The following KMT2E variants were observed in gnomAD, a reference collection of about 807,000 sequenced individuals.
KMT2E encodes lysine methyltransferase 2E (inactive), also known as histone reader KMT2E.
Under a neutral mutation model 184.6 loss-of-function variants are expected in KMT2E, and 30 were observed. That is an observed-to-expected ratio of 0.16 (90% CI 0.12 to 0.22). KMT2E has a LOEUF of 0.22. KMT2E is among the 10% of genes least tolerant of loss of function. The pLI, the probability that KMT2E is intolerant of heterozygous loss-of-function variation, is 1.00. For synonymous variants in KMT2E, 815 were observed against 776.5 expected, an observed-to-expected ratio of 1.05 and a Z score of -0.82; for missense variants, 2,023 against 2,237.4, an observed-to-expected ratio of 0.90 and a Z score of 1.93.
Position 105,062,224 on chromosome 7 carries a change from G to A in KMT2E, c.132G>A (p.Gln44=). The change falls in exon 4 of 27, where the codon CAG becomes CAA. Residue 44 remains glutamine, a synonymous_variant. Transcript: ENST00000311117. ...AGAAATCCAACAGTTATCCCCACCA[G>A]TTATATACCAGCAGCTCACATCATT... is the stretch of plus-strand genomic sequence containing the variant. The part of the protein sequence containing the change: ...VVEKSNSYPH[Q]LYTSSSHHSH... 6.2e-7 allele frequency: 1 copy of A among 1,613,600 alleles called. No homozygotes were observed. Among genetic ancestry groups the A allele is most frequent in the Non-Finnish European group, 8.5e-7 (1 of 1,179,682 alleles).
chr7:105,105,263 C>T lies in KMT2E; in HGVS notation c.2197-176C>T, dbSNP rs1584801841. 1.6e-5 allele frequency: 7 copies of T among 445,312 alleles called. No homozygotes were observed. In the East Asian group the frequency reaches 2.1e-4, roughly 14 times the overall value. 27.6% of individuals were successfully genotyped at this position (445,312 alleles called of 1,614,324 possible). A position where few individuals can be genotyped will look rare whatever the true frequency, so the allele number is the denominator to read the frequency against. On this transcript the variant is annotated intron_variant, in intron 17 of 26. Coordinates refer to ENST00000311117, the MANE Select transcript of KMT2E (RefSeq NM_182931.3). Reference sequence around the variant, plus strand: ...AATTGGGTAAAAAGTTTCAGAATAACAGTAGATAACTAAGAAATGTAAAAG... The same window carrying T: ...AATTGGGTAAAAAGTTTCAGAATAATAGTAGATAACTAAGAAATGTAAAAG...
At chr7:105,107,116 A>T in intron 20 of KMT2E, 50 bp from the exon 21 acceptor site, 1 of 946,170 alleles carries the variant, frequency 1.1e-6, no homozygotes, top group Non-Finnish European at 1.6e-6. Flanking sequence ...TATTATGGAT[A>T]TACTTACGTA....
intron 1 of KMT2E, among the ~76,000 whole-genome samples, chr7:105,036,643 G>A (rs1371632155): frequency 6.6e-6 from 1 of 152,196 alleles, no homozygotes; most frequent in African/African-American, 2.4e-5. Context: ...TTATTGTGGA[G>A]ATTAAGCATT....
chr7:105,101,651 C>G, intron 16 of KMT2E, 62 bp downstream of exon 16: 2 of 1,297,280 alleles, frequency 1.5e-6, no homozygotes, highest in Non-Finnish European at 2.0e-6. Context: ...TCTATACTTG[C>G]ATTAATTACT....
Position 105,101,869 on chromosome 7 carries a change from C to G in KMT2E, c.1888-17C>G, listed in dbSNP as rs911456717. 6.3e-7 allele frequency: 1 copy of G among 1,583,508 alleles called. No individual in the cohort carries two copies. Among genetic ancestry groups the G allele is most frequent in the Non-Finnish European group, 8.6e-7 (1 of 1,164,824 alleles). On this transcript the variant is annotated splice_polypyrimidine_tract_variant and intron_variant, in intron 16 of 26. Coordinates refer to ENST00000311117, the MANE Select transcript of KMT2E (RefSeq NM_182931.3). Reference sequence around the variant, plus strand: ...TATGTAGTATAAAAACTTCCATTCGCTTGTATTTTGAATTAGGAACAAGCA... The same window carrying G: ...TATGTAGTATAAAAACTTCCATTCGGTTGTATTTTGAATTAGGAACAAGCA...
chr7:105,033,343 T>C (rs1440997171), intron 1 of KMT2E, among the ~76,000 whole-genome samples: 1 of 152,230 alleles, frequency 6.6e-6, no homozygotes, highest in East Asian at 1.9e-4. Flanking sequence ...GTGATAATTA[T>C]AGAGTTGCAT....
chr7:105,107,705 A>G lies in KMT2E; in HGVS notation c.3248A>G (p.Asn1083Ser), dbSNP rs1798973674. ...GGAGTTAACTTCTCAGTGAACTCCAACTTGAGGGACCTGACACCCTCGCAT... is the reference window on the plus strand; with the variant it reads ...GGAGTTAACTTCTCAGTGAACTCCAGCTTGAGGGACCTGACACCCTCGCAT... ...RTGVNFSVNS[N>S]LRDLTPSHQL... Residue 1083 changes from asparagine to serine, a missense_variant, in exon 22 of 27, where the codon AAC becomes AGC. Around this residue, in one of 8 missense-constraint regions of KMT2E, gnomAD observed 1,108 missense variants for 1,050.9 expected, o/e 1.05. Coordinates refer to ENST00000311117, the MANE Select transcript of KMT2E (RefSeq NM_182931.3). 6.2e-7 allele frequency: 1 copy of G among 1,614,188 alleles called. No individual in the cohort carries two copies. Among genetic ancestry groups the G allele is most frequent in the Non-Finnish European group, 8.5e-7 (1 of 1,180,030 alleles).
intron 15 of KMT2E, among the ~76,000 whole-genome samples, chr7:105,092,712 T>C (rs1211053240): frequency 6.6e-6 from 1 of 152,226 alleles, no homozygotes; most frequent in East Asian, 1.9e-4. Flanking sequence ...TATGGCTCTT[T>C]ATTGAGTATT....
chr7:105,049,208 G>A (rs1433133690), intron 3 of KMT2E, among the ~76,000 whole-genome samples: 3 of 152,100 alleles, frequency 2.0e-5, no homozygotes, highest in Non-Finnish European at 4.4e-5. Context: ...ACTTTGGGAG[G>A]CTGAGGCTGG....
intron 18 of KMT2E, 67 bp from the exon 19 acceptor site, chr7:105,105,788 CTCTG>C (rs1176992164): frequency 6.4e-7 from 1 of 1,564,612 alleles, no homozygotes; most frequent in Non-Finnish European, 8.6e-7. Flanking sequence ...TTGGAATCGG[CTCTG>C]TATTTACAGG....
At chr7:105,024,867 CAG>C (rs1021168664) in intron 1 of KMT2E, among the ~76,000 whole-genome samples, 3 of 152,152 alleles carry the variant, frequency 2.0e-5, no homozygotes, top group African/African-American at 7.2e-5. Context: ...TGTCAAATGA[CAG>C]ACTCTCTGTC....
At chr7:105,019,110 A>G (rs1280793521) in intron 1 of KMT2E, among the ~76,000 whole-genome samples, 1 of 152,136 alleles carries the variant, frequency 6.6e-6, no homozygotes, top group Non-Finnish European at 1.5e-5. Context: ...GTTATTGTGA[A>G]CTTCCATGCT....
chr7:105,055,161 G>A (rs1489745027), intron 3 of KMT2E, among the ~76,000 whole-genome samples: 5 of 150,842 alleles, frequency 3.3e-5, no homozygotes, highest in Non-Finnish European at 4.4e-5. Context: ...AACTTGCTTG[G>A]GAGAGAGACA....
At chr7:105,090,689 C>T (rs1283832798) in intron 14 of KMT2E, among the ~76,000 whole-genome samples, 1 of 152,104 alleles carries the variant, frequency 6.6e-6, no homozygotes, top group Non-Finnish European at 1.5e-5. Context: ...AGAAAATTCA[C>T]TAAGAACATA....
chr7:105,087,290 A>ATATATAT (rs1491479159), intron 13 of KMT2E, among the ~76,000 whole-genome samples: 1 of 145,738 alleles, frequency 6.9e-6, no homozygotes, highest in African/African-American at 2.6e-5. Context: ...ATATGATATA[A>ATATATAT]TATATATAAT....
intron 13 of KMT2E, among the ~76,000 whole-genome samples, chr7:105,087,766 T>C (rs1798042887): frequency 6.6e-6 from 1 of 151,578 alleles, no homozygotes; most frequent in Non-Finnish European, 1.5e-5. Context: ...ATTTCTCTCT[T>C]GTGAATTGCC....
intron 1 of KMT2E, among the ~76,000 whole-genome samples, chr7:105,037,328 A>G (rs1430535078): frequency 6.6e-6 from 1 of 151,964 alleles, no homozygotes; most frequent in Middle Eastern, 3.2e-3. Context: ...TTTGGGTATC[A>G]TATTAATCTT....
At chr7:105,036,266 G>C (rs1795654650) in intron 1 of KMT2E, among the ~76,000 whole-genome samples, 1 of 150,266 alleles carries the variant, frequency 6.7e-6, no homozygotes, top group Admixed American at 6.6e-5. Flanking sequence ...TCTGTCTCCT[G>C]GGTTCAAGCG....
At position 105,046,384 on chromosome 7, in the gene KMT2E, CCTTT is replaced by C. The variant is rs1160607897; in HGVS notation, c.71+5369_71+5372del. On this transcript the variant is annotated intron_variant, in intron 3 of 26. Coordinates refer to ENST00000311117, the MANE Select transcript of KMT2E (RefSeq NM_182931.3). ...TATGCAAAGGCTTTCTTTTTTTCTTCCTTTCTTTCTTCAAACTCCTGTTTGAATG... is the reference window on the plus strand; with the variant it reads ...TATGCAAAGGCTTTCTTTTTTTCTTCCTTTCTTCAAACTCCTGTTTGAATG... 8.5e-5 allele frequency among the ~76,000 whole-genome samples: 13 copies of C among 152,050 alleles called. No homozygotes were observed. In the East Asian group the frequency reaches 2.1e-3, roughly 25 times the overall value.
Sources: allele counts gnomAD v4.1 joint callset (sites outside exome capture counted in the v4.1 genomes callset), GRCh38; gene constraint gnomAD v4.1.1; regional missense constraint gnomAD v4.1.1; transcripts MANE v1.5; gene names NCBI Gene and HGNC (gene_info 2026-07-23, HGNC 2026-07-21).